The following TTC29 variants were observed in gnomAD, a reference collection of about 807,000 sequenced individuals.
The protein encoded by TTC29 is tetratricopeptide repeat domain 29, also known as tetratricopeptide repeat protein 29.
In TTC29, 49 loss-of-function variants were observed where a neutral mutation model predicts 58.1. The ratio of observed to expected loss-of-function variants is 0.84; its 90% CI spans 0.67 to 1.07. The LOEUF is 1.07. TTC29 is among the 50% of genes least tolerant of loss of function. TTC29 has a pLI of 0.00. For synonymous variants in TTC29, 209 were observed against 196.8 expected (o/e 1.06, Z -0.52); for missense variants, 582 against 555.6 (o/e 1.05, Z -0.48).
At chr4:146,827,417 A>C (rs1435537934) in intron 9 of TTC29, among the ~76,000 whole-genome samples, 1 of 152,202 alleles carries the variant, frequency 6.6e-6, no homozygotes, top group African/African-American at 2.4e-5. Context: ...GTTTATTTTA[A>C]ACAAGTATTG....
chr4:146,914,302 C>T (rs577435705), intron 4 of TTC29, among the ~76,000 whole-genome samples: 1 of 152,062 alleles, frequency 6.6e-6, no homozygotes, highest in Non-Finnish European at 1.5e-5. Flanking sequence ...TTGTTTTAAA[C>T]ACAAATAGAA....
intron 11 of TTC29, among the ~76,000 whole-genome samples, chr4:146,778,406 T>A (rs891548652): frequency 2.0e-5 from 3 of 152,060 alleles, no homozygotes; most frequent in Non-Finnish European, 4.4e-5. Flanking sequence ...TGAAAAAAAA[T>A]TTTAAACAAA....
intron 6 of TTC29, among the ~76,000 whole-genome samples, chr4:146,901,364 A>G (rs1733137208): frequency 6.6e-6 from 1 of 152,212 alleles, no homozygotes; most frequent in Non-Finnish European, 1.5e-5. Flanking sequence ...TATATGCACC[A>G]TATAAATATA....
At chr4:146,755,460 C>T (rs530738116) in intron 11 of TTC29, among the ~76,000 whole-genome samples, 4 of 152,094 alleles carry the variant, frequency 2.6e-5, no homozygotes, top group East Asian at 1.9e-4. Flanking sequence ...CACACTTTCT[C>T]GTTTAAAGGA....
intron 11 of TTC29, among the ~76,000 whole-genome samples, chr4:146,785,770 A>C (rs191636108): frequency 1.8e-4 from 27 of 152,292 alleles, no homozygotes; most frequent in Non-Finnish European, 1.5e-5. Context: ...ATAATAAAAG[A>C]TGACATTTCT....
intron 11 of TTC29, among the ~76,000 whole-genome samples, chr4:146,801,432 T>C (rs142553727): frequency 4.6e-5 from 7 of 152,284 alleles, no homozygotes; most frequent in East Asian, 1.9e-4. Flanking sequence ...TTTTATAATA[T>C]TGTGGCTCAT....
At chr4:146,794,705 C>G (rs28602486) in intron 11 of TTC29, among the ~76,000 whole-genome samples, 1 of 151,952 alleles carries the variant, frequency 6.6e-6, no homozygotes, top group African/African-American at 2.4e-5. Context: ...GGCTAGAAGC[C>G]CTTTGAAGGG....
chr4:146,734,530 T>C (rs539364921), intron 11 of TTC29, among the ~76,000 whole-genome samples: 2 of 152,228 alleles, frequency 1.3e-5, no homozygotes, highest in African/African-American at 2.4e-5. Context: ...CTGTCAGAAG[T>C]TCCAGGACTT....
intron 9 of TTC29, among the ~76,000 whole-genome samples, chr4:146,828,925 G>T (rs1262885200): frequency 6.6e-6 from 1 of 152,136 alleles, no homozygotes; most frequent in Non-Finnish European, 1.5e-5. Flanking sequence ...AAAAGTTAGT[G>T]ACAGATTTAG....
At chr4:146,747,099 T>C (rs1263674786) in intron 11 of TTC29, among the ~76,000 whole-genome samples, 4 of 152,094 alleles carry the variant, frequency 2.6e-5, no homozygotes, top group Non-Finnish European at 5.9e-5. Flanking sequence ...CAGCATCCCC[T>C]ATCACCACCG....
In TTC29 at chr4:146,820,196, C is replaced by G; in HGVS notation, c.1030G>C (p.Ala344Pro). ...TCTAGGCTTTGAAAATTGTTTCTTG[C>G]AATTTTCACAAATTTTTTCAAGTAT... ...IKYLKKFVKIARNNFQSLDLV... is the reference protein window; with the variant it reads ...IKYLKKFVKIPRNNFQSLDLV... Residue 344 changes from alanine to proline, a missense_variant, in exon 10 of 13, where the codon GCA becomes CCA. Ala to Pro is a conservative substitution (Grantham distance 27, BLOSUM62 -1). Coordinates refer to ENST00000325106, the MANE Select transcript of TTC29 (RefSeq NM_031956.4). The G allele has an allele frequency of 2.5e-6, 4 of 1,612,974 alleles. No individual in the cohort carries two copies. Among genetic ancestry groups the G allele is most frequent in the Non-Finnish European group, 2.5e-6 (3 of 1,179,708 alleles).
chr4:146,777,159 T>C (rs1407741141), intron 11 of TTC29, among the ~76,000 whole-genome samples: 1 of 152,178 alleles, frequency 6.6e-6, no homozygotes, highest in Non-Finnish European at 1.5e-5. Flanking sequence ...TCCTATCTCC[T>C]GCAGTCATGG....
At chr4:146,782,792 T>A (rs112925224) in intron 11 of TTC29, among the ~76,000 whole-genome samples, 1 of 152,160 alleles carries the variant, frequency 6.6e-6, no homozygotes, top group African/African-American at 2.4e-5. Context: ...ACTTTACTAT[T>A]GACTATTATT....
intron 5 of TTC29, among the ~76,000 whole-genome samples, chr4:146,907,674 AT>A (rs1170282111): frequency 6.6e-6 from 1 of 151,988 alleles, no homozygotes; most frequent in Non-Finnish European, 1.5e-5. Context: ...ATTTTTTTGT[AT>A]TTTTAGTAGA....
At chr4:146,791,220 T>G (rs1026459915) in intron 11 of TTC29, among the ~76,000 whole-genome samples, 1 of 152,244 alleles carries the variant, frequency 6.6e-6, no homozygotes, top group African/African-American at 2.4e-5. Context: ...ACTATGCAGA[T>G]GTTGCATTTT....
chr4:146,874,810 C>A lies in TTC29; in HGVS notation c.705G>T (p.Arg235Ser). The A allele has an allele frequency of 6.2e-7, 1 of 1,612,776 alleles. No homozygotes were observed. The highest frequency in any genetic ancestry group is 8.5e-7 in the Non-Finnish European group (1 of 1,179,474). The part of the protein sequence containing the change: ...LNLLACESLL[R>S]TYRLLSDKML... ...TTTTGTCTGAGAGTAATCTGTAAGT[C>A]CTCAGGAGACTCTCACAGGCCAACA... Residue 235 changes from arginine (R) to serine (S), a missense_variant, in exon 7 of 13, where the codon AGG (arginine) becomes AGT (serine). Physicochemically the swap from Arg to Ser is moderately radical, Grantham distance 110 (BLOSUM62 -1). Coordinates refer to ENST00000325106, the MANE Select transcript of TTC29 (RefSeq NM_031956.4).
intron 4 of TTC29, among the ~76,000 whole-genome samples, chr4:146,913,639 A>G (rs560065483): frequency 9.4e-4 from 143 of 152,264 alleles, no homozygotes; most frequent in Admixed American, 1.6e-3. Flanking sequence ...AAGAATCTTG[A>G]CAAGATTCTC....
intron 8 of TTC29, among the ~76,000 whole-genome samples, chr4:146,852,101 C>T (rs1029637252): frequency 1.4e-4 from 22 of 152,124 alleles, no homozygotes; most frequent in African/African-American, 5.1e-4. Flanking sequence ...GCACCCAGCC[C>T]GCCATTTGCA....
chr4:146,938,774 C>T (rs1049461181), intron 3 of TTC29, among the ~76,000 whole-genome samples: 3 of 152,096 alleles, frequency 2.0e-5, no homozygotes, highest in African/African-American at 7.2e-5. Context: ...AAGAAACCTC[C>T]TAATACTTTG....
Sources: allele counts gnomAD v4.1 joint callset (sites outside exome capture counted in the v4.1 genomes callset), GRCh38; gene constraint gnomAD v4.1.1; transcripts MANE v1.5; gene names NCBI Gene and HGNC (gene_info 2026-07-23, HGNC 2026-07-21).